PDE4B: variants seen among roughly 807,000 people sequenced by gnomAD.
PDE4B encodes 3',5'-cyclic-AMP phosphodiesterase 4B.
In PDE4B, 20 loss-of-function variants were observed where a neutral mutation model predicts 82.2. That is an observed-to-expected ratio of 0.24 (90% CI 0.17 to 0.35). The LOEUF (loss-of-function observed/expected upper bound fraction) is 0.35. Among genes scored for constraint, PDE4B ranks in the 10% least tolerant of loss-of-function variants. The pLI is 1.00. For missense variants in PDE4B, 655 were observed against 907.2 expected (o/e 0.72, Z 3.57); for synonymous variants, 320 against 318.9 (o/e 1.00, Z -0.04).
intron 7 of PDE4B, among the ~76,000 whole-genome samples, chr1:66,312,021 C>T (rs891350573): frequency 2.6e-5 from 4 of 152,190 alleles, no homozygotes; most frequent in Non-Finnish European, 5.9e-5. Context: ...TAGAGAAATT[C>T]ACCTCAGTGC....
chr1:66,204,398 G>A (rs372593850), intron 3 of PDE4B, among the ~76,000 whole-genome samples: 2 of 152,240 alleles, frequency 1.3e-5, no homozygotes, highest in East Asian at 1.9e-4. Flanking sequence ...GTTTAAGTTT[G>A]CAGAGGTTAC....
chr1:65,884,292 T>A (rs1304034220), intron 1 of PDE4B, among the ~76,000 whole-genome samples: 1 of 152,132 alleles, frequency 6.6e-6, no homozygotes, highest in East Asian at 1.9e-4. Context: ...GGTCTTGGGC[T>A]TTTTTTGGTT....
intron 3 of PDE4B, among the ~76,000 whole-genome samples, chr1:65,968,247 G>T (rs997054093): frequency 3.9e-5 from 6 of 152,072 alleles, no homozygotes; most frequent in Non-Finnish European, 8.8e-5. Flanking sequence ...AAGAGGATTG[G>T]ACTAGATTAA....
chr1:65,930,037 C>G (rs1479059553), intron 3 of PDE4B, among the ~76,000 whole-genome samples: 2 of 152,134 alleles, frequency 1.3e-5, no homozygotes, highest in Non-Finnish European at 2.9e-5. Flanking sequence ...CAAAGTCCCA[C>G]AATAAGCTGT....
chr1:65,929,460 G>A (rs1569720490), intron 3 of PDE4B, among the ~76,000 whole-genome samples: 1 of 152,154 alleles, frequency 6.6e-6, no homozygotes, highest in African/African-American at 2.4e-5. Flanking sequence ...TAGACACCTG[G>A]TGAGGCTGTG....
At chr1:66,231,032 T>TAAA (rs11285418) in intron 3 of PDE4B, among the ~76,000 whole-genome samples, 54 of 106,910 alleles carry the variant, frequency 5.1e-4, no homozygotes, top group African/African-American at 1.5e-3. Context: ...AGAATCTGTC[T>TAAA]AAAAAAAAAA....
chr1:66,118,635 C>A (rs1376089593), intron 3 of PDE4B, among the ~76,000 whole-genome samples: 1 of 152,160 alleles, frequency 6.6e-6, no homozygotes, highest in South Asian at 2.1e-4. Context: ...TTAATGGGTG[C>A]AGCACACCAA....
intron 1 of PDE4B, among the ~76,000 whole-genome samples, chr1:65,809,465 A>C (rs545350773): frequency 5.9e-5 from 9 of 152,254 alleles, no homozygotes; most frequent in African/African-American, 2.2e-4. Flanking sequence ...CAAATGGAAA[A>C]TACACTCATT....
chr1:66,092,809 G>A (rs910569731), intron 3 of PDE4B, among the ~76,000 whole-genome samples: 41 of 151,948 alleles, frequency 2.7e-4, no homozygotes, highest in Admixed American at 2.5e-3. Flanking sequence ...GGATAAGCAT[G>A]TGCAAAGACT....
intron 3 of PDE4B, among the ~76,000 whole-genome samples, chr1:66,059,894 A>G (rs1053700314): frequency 6.6e-6 from 1 of 152,200 alleles, no homozygotes; most frequent in Non-Finnish European, 1.5e-5. Context: ...CTTACAATGG[A>G]ACCCCTGAGA....
intron 3 of PDE4B, among the ~76,000 whole-genome samples, chr1:66,002,388 A>G (rs888117150): frequency 3.3e-5 from 5 of 152,148 alleles, no homozygotes; most frequent in Admixed American, 2.6e-4. Flanking sequence ...ATACATTTGT[A>G]GCACCGGTTT....
At chr1:66,240,020 C>T (rs1261258288) in intron 3 of PDE4B, among the ~76,000 whole-genome samples, 1 of 152,268 alleles carries the variant, frequency 6.6e-6, no homozygotes, top group Non-Finnish European at 1.5e-5. Context: ...GGTCATTGGG[C>T]CTCTCCTTTG....
chr1:65,840,728 G>A (rs1646197683), intron 1 of PDE4B, among the ~76,000 whole-genome samples: 1 of 152,142 alleles, frequency 6.6e-6, no homozygotes, highest in Non-Finnish European at 1.5e-5. Flanking sequence ...TCTGTCCAAG[G>A]TCAGATGAAG....
chr1:66,183,886 T>C (rs980779366), intron 3 of PDE4B, among the ~76,000 whole-genome samples: 6 of 152,116 alleles, frequency 3.9e-5, no homozygotes, highest in Admixed American at 3.9e-4. Context: ...TAAGACAAAG[T>C]GTTGGCACCT....
At chr1:66,120,746 C>G (rs1422673956) in intron 3 of PDE4B, among the ~76,000 whole-genome samples, 1 of 152,022 alleles carries the variant, frequency 6.6e-6, no homozygotes, top group African/African-American at 2.4e-5. Context: ...CTGCCTCTAC[C>G]CCTCTCTATT....
intron 3 of PDE4B, among the ~76,000 whole-genome samples, chr1:66,045,359 C>T (rs1016242548): frequency 6.6e-6 from 1 of 151,642 alleles, no homozygotes; most frequent in Non-Finnish European, 1.5e-5. Context: ...AATCTAACTC[C>T]TCTGGCTCCC....
At chr1:66,003,655 A>C (rs1168072963) in intron 3 of PDE4B, among the ~76,000 whole-genome samples, 1 of 152,190 alleles carries the variant, frequency 6.6e-6, no homozygotes, top group African/African-American at 2.4e-5. Flanking sequence ...GGATCTGAGC[A>C]TGCTTCTGTG....
chr1:65,889,061 T>C (rs942561509), intron 1 of PDE4B, among the ~76,000 whole-genome samples: 2 of 152,090 alleles, frequency 1.3e-5, no homozygotes, highest in African/African-American at 2.4e-5. Flanking sequence ...AGTATGACGT[T>C]AGCTGTATCT....
At chr1:66,038,281 T>A (rs1654171356) in intron 3 of PDE4B, among the ~76,000 whole-genome samples, 1 of 152,192 alleles carries the variant, frequency 6.6e-6, no homozygotes, top group Admixed American at 6.5e-5. Flanking sequence ...GAAGTATAAC[T>A]GTATAAGCAT....
Sources: gnomAD v4.1 joint callset for allele counts (sites outside exome capture counted in the v4.1 genomes callset) on GRCh38, gnomAD v4.1.1 for gene constraint, MANE v1.5 for transcripts, NCBI Gene and HGNC (gene_info 2026-07-23, HGNC 2026-07-21) for gene names.